The following POU6F2 variants were observed in gnomAD, a reference collection of about 807,000 sequenced individuals.
POU6F2 encodes POU domain, class 6, transcription factor 2.
Under a neutral mutation model 71.3 loss-of-function variants are expected in POU6F2, and 31 were observed. That is an observed-to-expected ratio of 0.43 (90% CI 0.33 to 0.59). The LOEUF (loss-of-function observed/expected upper bound fraction) is 0.59, where lower values mean the gene tolerates loss of function less well. Ranked by LOEUF, POU6F2 falls within the 20% of genes least tolerant of loss-of-function variation. The pLI, the probability that POU6F2 is intolerant of heterozygous loss-of-function variation, is 0.04. For missense variants in POU6F2, 783 were observed against 856.8 expected (o/e 0.91, Z 1.07); for synonymous variants, 347 against 355.7 (o/e 0.98, Z 0.27).
chr7:39,294,006 C>A (rs1784808000), intron 4 of POU6F2, among the ~76,000 whole-genome samples: 2 of 152,024 alleles, frequency 1.3e-5, no homozygotes, highest in Admixed American at 6.6e-5. Context: ...GTAAGTTAAA[C>A]CCTTTTGGTA....
chr7:39,277,400 C>T (rs568617242), intron 4 of POU6F2, among the ~76,000 whole-genome samples: 2 of 152,138 alleles, frequency 1.3e-5, no homozygotes, highest in Non-Finnish European at 2.9e-5. Flanking sequence ...CCTTGCCCCC[C>T]TCCCTCTCTA....
intron 1 of POU6F2, among the ~76,000 whole-genome samples, chr7:38,997,340 C>G (rs1788768958): frequency 6.6e-6 from 1 of 152,184 alleles, no homozygotes; most frequent in African/African-American, 2.4e-5. Flanking sequence ...AACTAGACTA[C>G]TCACTTTTCT....
chr7:39,396,513 T>A (rs1787177381), intron 5 of POU6F2, among the ~76,000 whole-genome samples: 1 of 152,202 alleles, frequency 6.6e-6, no homozygotes, highest in Non-Finnish European at 1.5e-5. Flanking sequence ...AGAATAACTC[T>A]TCAGCGTGTC....
intron 4 of POU6F2, among the ~76,000 whole-genome samples, chr7:39,315,113 T>G (rs1785238493): frequency 6.6e-6 from 1 of 152,260 alleles, no homozygotes; most frequent in African/African-American, 2.4e-5. Flanking sequence ...AAGTTTGTGC[T>G]TCCCATTTGT....
chr7:39,227,996 G>T (rs1409328418), intron 4 of POU6F2, among the ~76,000 whole-genome samples: 1 of 152,260 alleles, frequency 6.6e-6, no homozygotes, highest in Admixed American at 6.5e-5. Context: ...GAGAGAGGAC[G>T]GGGTTGGTGG....
chr7:39,386,467 G>A (rs962832788), intron 5 of POU6F2, among the ~76,000 whole-genome samples: 3 of 152,172 alleles, frequency 2.0e-5, no homozygotes, highest in Non-Finnish European at 1.5e-5. Flanking sequence ...GATGAGGTTA[G>A]AATTGTACAT....
intron 4 of POU6F2, among the ~76,000 whole-genome samples, chr7:39,314,197 C>T (rs776819813): frequency 1.9e-4 from 29 of 152,158 alleles, no homozygotes; most frequent in Non-Finnish European, 8.8e-5. Flanking sequence ...ACAACACTCC[C>T]GGCGTGTGGG....
intron 4 of POU6F2, among the ~76,000 whole-genome samples, chr7:39,337,378 C>T (rs989063364): frequency 2.0e-5 from 3 of 152,038 alleles, no homozygotes; most frequent in African/African-American, 7.3e-5. Context: ...TGGCCTATGT[C>T]GTGTATAGTA....
At chr7:39,134,132 G>T (rs773957728) in intron 2 of POU6F2, among the ~76,000 whole-genome samples, 2 of 152,048 alleles carry the variant, frequency 1.3e-5, no homozygotes, top group Non-Finnish European at 2.9e-5. Flanking sequence ...TGCCTTTGTC[G>T]TCCAAAATGC....
At chr7:39,316,541 G>T (rs1785272448) in intron 4 of POU6F2, among the ~76,000 whole-genome samples, 1 of 152,146 alleles carries the variant, frequency 6.6e-6, no homozygotes, top group Admixed American at 6.5e-5. Flanking sequence ...CCACCACAAT[G>T]TGGAGTCAAG....
Position 39,464,127 on chromosome 7 carries a change from C to T in POU6F2, c.1659-55C>T. Reference sequence around the variant, plus strand: ...GCAGTCAGGCAGGCAGGCAGGAGGCCCACCCTGGCAGAGGACTCAGTGTAA... The same window carrying T: ...GCAGTCAGGCAGGCAGGCAGGAGGCTCACCCTGGCAGAGGACTCAGTGTAA... On this transcript the variant is annotated intron_variant, in intron 9 of 9. Transcript: ENST00000518318. This position sits in a 1 kb window ranked among gnomAD's most constrained non-coding sequence, Gnocchi z 4.1. 1.3e-6 allele frequency: 2 copies of T among 1,558,710 alleles called. No homozygotes were observed. Among genetic ancestry groups the T allele is most frequent in the Non-Finnish European group, 1.7e-6 (2 of 1,149,540 alleles).
rs982260418 is a variant in POU6F2 at position 39,026,521 on chromosome 7, G to A, written c.105+48463G>A. On this transcript the variant is annotated intron_variant, in intron 1 of 9. Transcript: ENST00000518318. ...AAGGACAAAAAACCAAACACCGCAT[G>A]TTCTCAGTCATAGATGGGAATTGAA... is the stretch of plus-strand genomic sequence containing the variant. Among the ~76,000 whole-genome samples, 3 of 152,012 alleles carry A rather than the reference G, an allele frequency of 2.0e-5. No individual in the cohort carries two copies. In the East Asian group the frequency reaches 5.8e-4, roughly 29 times the overall value.
At chr7:39,065,060 G>A (rs2140912) in intron 1 of POU6F2, among the ~76,000 whole-genome samples, 129,293 of 151,426 alleles carry the variant, frequency 0.85, 55,725 homozygotes, top group East Asian at 1. Flanking sequence ...CATAATTTCA[G>A]ATGTTTAATT....
chr7:39,208,345 T>C (rs912757089), intron 4 of POU6F2, among the ~76,000 whole-genome samples: 8 of 152,190 alleles, frequency 5.3e-5, no homozygotes, highest in African/African-American at 1.9e-4. Flanking sequence ...GAAAATGACC[T>C]GAATATAAAT....
chr7:39,387,649 C>G (rs970780282), intron 5 of POU6F2, among the ~76,000 whole-genome samples: 7 of 152,222 alleles, frequency 4.6e-5, no homozygotes, highest in Non-Finnish European at 5.9e-5. Flanking sequence ...CATCCACATA[C>G]AGTTATTCAG....
At chr7:39,138,436 C>G (rs907258187) in intron 2 of POU6F2, among the ~76,000 whole-genome samples, 1 of 152,210 alleles carries the variant, frequency 6.6e-6, no homozygotes, top group African/African-American at 2.4e-5. Flanking sequence ...TATAGCAACT[C>G]TTCATCACTC....
Position 39,149,908 on chromosome 7 carries a change from C to T in POU6F2, c.278-54327C>T, listed in dbSNP as rs562460555. On this transcript the variant is annotated intron_variant, in intron 2 of 9. Transcript: ENST00000518318. The stretch of plus-strand genomic sequence containing the variant: ...TCCTTTTTTTTTTTTTTTCTTGAGA[C>T]GGAGTCTCGCTCTGTCGCCCAGGCT... 3.0e-3 allele frequency among the ~76,000 whole-genome samples: 425 copies of T among 140,664 alleles called. 3 individuals carry two copies. Among genetic ancestry groups the T allele is most frequent in the African/African-American group, 0.011 (402 of 36,886 alleles). 92.3% of individuals were successfully genotyped at this position (140,664 alleles called of 152,430 possible).
At chr7:39,173,911 A>G (rs1793276097) in intron 2 of POU6F2, among the ~76,000 whole-genome samples, 1 of 152,216 alleles carries the variant, frequency 6.6e-6, no homozygotes. Context: ...TACTTAGTGG[A>G]AATTTAGGGC....
At chr7:39,085,318 C>T (rs1791214955) in intron 1 of POU6F2, among the ~76,000 whole-genome samples, 1 of 152,052 alleles carries the variant, frequency 6.6e-6, no homozygotes, top group Non-Finnish European at 1.5e-5. Context: ...CATTGAAAGC[C>T]TTTCGAGGTC....
Sources: allele counts gnomAD v4.1 joint callset (sites outside exome capture counted in the v4.1 genomes callset), GRCh38; gene constraint gnomAD v4.1.1; non-coding constraint Gnocchi (gnomAD v3.1); transcripts MANE v1.5; gene names NCBI Gene and HGNC (gene_info 2026-07-23, HGNC 2026-07-21).